The following JAKMIP1 variants were observed in gnomAD, a reference collection of about 807,000 sequenced individuals.
JAKMIP1 encodes the protein janus kinase and microtubule interacting protein 1.
In JAKMIP1, 33 loss-of-function variants were observed where a neutral mutation model predicts 113.0. The ratio of observed to expected loss-of-function variants is 0.29; its 90% confidence interval spans 0.22 to 0.39. The LOEUF is 0.39. Ranked by LOEUF, JAKMIP1 falls within the 10% of genes least tolerant of loss-of-function variation. The pLI is 1.00. For missense variants in JAKMIP1, 813 were observed against 1,080.5 expected (o/e 0.75, Z 3.47); for synonymous variants, 480 against 459.9 (o/e 1.04, Z -0.56).
At position 6,153,028 on chromosome 4, in the gene JAKMIP1, C is replaced by T. The variant is rs757855737; in HGVS notation, c.-147-40031G>A. The stretch of plus-strand genomic sequence containing the variant: ...CCCCAATTCTAGGAAACCCACATCA[C>T]CTTCCTGTTAACCTGAGCTCAGTCT... On this transcript the variant is annotated intron_variant, in intron 1 of 20. Coordinates refer to ENST00000409021, the MANE Select transcript of JAKMIP1 (RefSeq NM_001099433.2). The surrounding 1 kb of genome is among the most constrained non-coding windows in gnomAD (Gnocchi z 4.9). 5.3e-5 allele frequency among the ~76,000 whole-genome samples: 8 copies of T among 152,128 alleles called. No individual in the cohort carries two copies. The highest frequency in any genetic ancestry group is 1.0e-4 in the Non-Finnish European group (7 of 67,982).
In JAKMIP1 at chr4:6,062,619, C is replaced by T. The variant is rs558343602; in HGVS notation, c.1432-179G>A. Among the ~76,000 whole-genome samples the T allele has an allele frequency of 2.5e-4, 38 of 152,348 alleles. No homozygotes were observed. The South Asian group carries it at 6.6e-3, about 27-fold the overall frequency. The stretch of plus-strand genomic sequence containing the variant: ...CTGCCAACAGGTGCTTAAGGAGCCT[C>T]GCATTGCCAGGAAGCAACTAGGGCA... On this transcript the variant is annotated intron_variant, in intron 9 of 20. Coordinates refer to ENST00000409021, the MANE Select transcript of JAKMIP1 (RefSeq NM_001099433.2).
In JAKMIP1 at chr4:6,038,304, G is replaced by A. The variant is rs375708871; in HGVS notation, c.2176-2197C>T. Reference sequence around the variant, plus strand: ...GGCTAACCGGTATCCCTCCATCACCGAGGCAGAGGTTAACCCAGTAGCCCT... The same window carrying A: ...GGCTAACCGGTATCCCTCCATCACCAAGGCAGAGGTTAACCCAGTAGCCCT... On this transcript the variant is annotated intron_variant, in intron 18 of 20. Transcript: ENST00000409021. 4.1e-5 allele frequency among the ~76,000 whole-genome samples: 6 copies of A among 146,282 alleles called. 1 individual carries two copies. The highest frequency in any genetic ancestry group is 4.3e-4 in the South Asian group (2 of 4,648).
In JAKMIP1 at chr4:6,199,431, GGA is replaced by G. The variant is rs1441235695; in HGVS notation, c.-148+820_-148+821del. ...GATGGAGCGAAGGACCGAGGGGCTG[GGA>G]GGCGAGGCCGCAGCGCACTGACGCA... On this transcript the variant is annotated intron_variant, in intron 1 of 20. Transcript: ENST00000409021. The surrounding 1 kb of genome is among the most constrained non-coding windows in gnomAD (Gnocchi z 5.6). Among the ~76,000 whole-genome samples, 1 of 152,208 alleles carries G rather than the reference GGA, an allele frequency of 6.6e-6. No individual in the cohort carries two copies.
chr4:6,166,444 C>T (rs1723644045), intron 1 of JAKMIP1, among the ~76,000 whole-genome samples: 1 of 152,288 alleles, frequency 6.6e-6, no homozygotes, highest in East Asian at 1.9e-4. Flanking sequence ...AGTGAAGATG[C>T]CCCTTCCCTG....
intron 1 of JAKMIP1, among the ~76,000 whole-genome samples, chr4:6,120,340 T>C (rs995340024): frequency 6.6e-6 from 1 of 152,206 alleles, no homozygotes; most frequent in African/African-American, 2.4e-5. Flanking sequence ...CGCAGTAATA[T>C]GCTTCCTGGA....
chr4:6,026,948 A>G (rs1005208930), intron 20 of JAKMIP1, among the ~76,000 whole-genome samples: 5 of 150,182 alleles, frequency 3.3e-5, no homozygotes, highest in African/African-American at 4.9e-5. Flanking sequence ...AATTCTTCCA[A>G]TGTGGCCCAG....
Position 6,040,297 on chromosome 4 carries a change from T to C in JAKMIP1, c.2175+342A>G, listed in dbSNP as rs1578061462. 6.6e-6 allele frequency among the ~76,000 whole-genome samples: 1 copy of C among 152,194 alleles called. No homozygotes were observed. Among genetic ancestry groups the C allele is most frequent in the African/African-American group, 2.4e-5 (1 of 41,444 alleles). ...CTTTGTGATCATCTCTTTTTCCTATTTATAGGAAAACTTGCTTTGGGACTT... is the reference window on the plus strand; with the variant it reads ...CTTTGTGATCATCTCTTTTTCCTATCTATAGGAAAACTTGCTTTGGGACTT... On this transcript the variant is annotated intron_variant, in intron 18 of 20. Transcript: ENST00000409021. The surrounding 1 kb of genome is among the most constrained non-coding windows in gnomAD (Gnocchi z 5.8).
chr4:6,133,320 T>G (rs1010549441), intron 1 of JAKMIP1, among the ~76,000 whole-genome samples: 3 of 152,204 alleles, frequency 2.0e-5, no homozygotes, highest in Admixed American at 1.3e-4. Flanking sequence ...TTGAAAGCCT[T>G]AGAAGACGTA....
At chr4:6,096,010 C>T (rs578126774) in intron 3 of JAKMIP1, among the ~76,000 whole-genome samples, 115 of 152,258 alleles carry the variant, frequency 7.6e-4, no homozygotes, top group Non-Finnish European at 1.3e-3. Flanking sequence ...GATGCTCAGG[C>T]AGGCCTCCCT....
chr4:6,040,660 T>C lies in JAKMIP1; in HGVS notation c.2154A>G (p.Gln718=). The part of the protein sequence containing the change: ...YLEEELDYRK[Q]ALDQAYLKIQ... ...CTACCAGGTAAGCCTGGTCAAGGGC[T>C]TGCTTCCGGTAGTCGAGCTCCTCTT... Residue 718 remains glutamine, a synonymous_variant, in exon 18 of 21, where the codon CAA becomes CAG. Transcript: ENST00000409021. The surrounding 1 kb of genome is among the most constrained non-coding windows in gnomAD (Gnocchi z 5.8). 1.9e-6 allele frequency: 3 copies of C among 1,613,552 alleles called. No homozygotes were observed. The highest frequency in any genetic ancestry group is 1.1e-5 in the South Asian group (1 of 90,956).
At position 6,064,446 on chromosome 4, in the gene JAKMIP1, C is replaced by A. The variant is rs1455683671; in HGVS notation, c.1431+434G>T. Among the ~76,000 whole-genome samples the A allele has an allele frequency of 6.6e-6, 1 of 152,230 alleles. No individual in the cohort carries two copies. Among genetic ancestry groups the A allele is most frequent in the Non-Finnish European group, 1.5e-5 (1 of 68,042 alleles). ...TTCTTCTTTATATATTTTTGGATTA[C>A]ATGCTTTATCTTAGTCAAGAAAGCA... On this transcript the variant is annotated intron_variant, in intron 9 of 20. Coordinates refer to ENST00000409021, the MANE Select transcript of JAKMIP1 (RefSeq NM_001099433.2). The surrounding 1 kb of genome is among the most constrained non-coding windows in gnomAD (Gnocchi z 4.3).
chr4:6,075,004 T>A (rs1313209094), intron 8 of JAKMIP1, among the ~76,000 whole-genome samples: 2 of 152,194 alleles, frequency 1.3e-5, no homozygotes, highest in Admixed American at 6.5e-5. Flanking sequence ...AATGACGCAT[T>A]TCTCAGAATG....
At chr4:6,126,497 G>A (rs1003381857) in intron 1 of JAKMIP1, among the ~76,000 whole-genome samples, 21 of 115,616 alleles carry the variant, frequency 1.8e-4, no homozygotes, top group South Asian at 8.6e-4. Flanking sequence ...ACACAAACAC[G>A]CATCATACAG....
chr4:6,065,902 C>T lies in JAKMIP1; in HGVS notation c.1303-894G>A, dbSNP rs902908224. 6.6e-5 allele frequency among the ~76,000 whole-genome samples: 10 copies of T among 152,240 alleles called. No homozygotes were observed. The highest frequency in any genetic ancestry group is 2.4e-4 in the African/African-American group (10 of 41,470). On this transcript the variant is annotated intron_variant, in intron 8 of 20. Transcript: ENST00000409021. This position sits in a 1 kb window ranked among gnomAD's most constrained non-coding sequence, Gnocchi z 5.1. ...ATAGGATCATAACCAGGCCAGGTCC[C>T]TGCCCCAAGGAGCTTGCATCCCCTA...
intron 2 of JAKMIP1, among the ~76,000 whole-genome samples, chr4:6,109,857 T>C (rs963157092): frequency 1.3e-5 from 2 of 152,118 alleles, no homozygotes; most frequent in Non-Finnish European, 2.9e-5. Flanking sequence ...TTTGTACCAG[T>C]CAATAAGCAC....
chr4:6,056,610 G>T (rs369395437), intron 12 of JAKMIP1, 87 bp downstream of exon 12: 9 of 987,308 alleles, frequency 9.1e-6, no homozygotes, highest in Non-Finnish European at 1.5e-5. Context: ...CCCAAATGGC[G>T]CTGGGCACGA....
At chr4:6,090,562 A>G (rs944052883) in intron 3 of JAKMIP1, among the ~76,000 whole-genome samples, 1 of 152,230 alleles carries the variant, frequency 6.6e-6, no homozygotes, top group African/African-American at 2.4e-5. Flanking sequence ...CAGGCCACGC[A>G]GTATGGGCTC....
rs567639179 is a variant in JAKMIP1, at chr4:6,141,436, AAAAT to A, written c.-147-28443_-147-28440del. ...GGGCGACAGAGTGAAACCCTGTCTC[AAAAT>A]AAATAAATAAATAAATACCAAAAAA... On this transcript the variant is annotated intron_variant, in intron 1 of 20. Transcript: ENST00000409021. This position sits in a 1 kb window ranked among gnomAD's most constrained non-coding sequence, Gnocchi z 9.4. Among the ~76,000 whole-genome samples the A allele has an allele frequency of 5.3e-5, 8 of 152,160 alleles. No homozygotes were observed. Among genetic ancestry groups the A allele is most frequent in the African/African-American group, 1.9e-4 (8 of 41,440 alleles).
At position 6,041,749 on chromosome 4, in the gene JAKMIP1, A is replaced by G. The variant is rs75063702; in HGVS notation, c.2097+410T>C. ...AGTTTTCATGGCCAGCAAAGATTTG[A>G]GCCATGCCCATGTGTTCCTAGAGTC... On this transcript the variant is annotated intron_variant, in intron 17 of 20. Coordinates refer to ENST00000409021, the MANE Select transcript of JAKMIP1 (RefSeq NM_001099433.2). Among the ~76,000 whole-genome samples the G allele has an allele frequency of 1.3e-3, 204 of 152,332 alleles. 1 individual carries two copies. The highest frequency in any genetic ancestry group is 4.6e-3 in the African/African-American group (193 of 41,578).
Sources: allele counts gnomAD v4.1 joint callset (sites outside exome capture counted in the v4.1 genomes callset), GRCh38; gene constraint gnomAD v4.1.1; non-coding constraint Gnocchi (gnomAD v3.1); transcripts MANE v1.5; gene names NCBI Gene and HGNC (gene_info 2026-07-23, HGNC 2026-07-21).